The following FAM168A variants were observed in gnomAD, a reference collection of about 807,000 sequenced individuals.
FAM168A encodes protein FAM168A.
A neutral mutation model predicts 28.5 loss-of-function variants in FAM168A; 3 were observed. That is an observed-to-expected ratio of 0.11 (90% CI 0.05 to 0.27). The LOEUF is 0.27. Among genes scored for constraint, FAM168A ranks in the 10% least tolerant of loss-of-function variants. The pLI is 1.00. For synonymous variants in FAM168A, 122 were observed against 124.2 expected (o/e 0.98, Z 0.12); for missense variants, 222 against 311.5 (o/e 0.71, Z 2.16).
chr11:73,447,952 T>C (rs890765896), intron 2 of FAM168A, among the ~76,000 whole-genome samples: 1 of 152,254 alleles, frequency 6.6e-6, no homozygotes, highest in Non-Finnish European at 1.5e-5. Context: ...TAGCTATCTC[T>C]TATATAAAAC....
At chr11:73,442,127 T>TC (rs1867207021) in intron 2 of FAM168A, among the ~76,000 whole-genome samples, 1 of 113,800 alleles carries the variant, frequency 8.8e-6, no homozygotes, top group South Asian at 2.2e-4. Context: ...TTCTTCTTCT[T>TC]TTTTTTTTTT....
At chr11:73,457,287 G>T (rs1207552050) in intron 2 of FAM168A, among the ~76,000 whole-genome samples, 1 of 151,538 alleles carries the variant, frequency 6.6e-6, no homozygotes, top group Non-Finnish European at 1.5e-5. Context: ...TACTTGGGAG[G>T]CTGAGACTGG....
At chr11:73,531,112 G>C (rs1484022396) in intron 1 of FAM168A, among the ~76,000 whole-genome samples, 1 of 152,112 alleles carries the variant, frequency 6.6e-6, no homozygotes, top group Admixed American at 6.5e-5. Flanking sequence ...AAACAGAATA[G>C]GAATTACTAA....
At position 73,418,636 on chromosome 11, in the gene FAM168A, A is replaced by T. The variant is rs547935457; in HGVS notation, c.277+1238T>A. Among the ~76,000 whole-genome samples, 4 of 152,338 alleles carry T rather than the reference A, an allele frequency of 2.6e-5. No homozygotes were observed. The South Asian group carries it at 8.3e-4, about 32-fold the overall frequency. ...TACTTAGTAGATTAATAATTTGTGG[A>T]ACCACACACTATCAGGCCTTGCCTG... On this transcript the variant is annotated intron_variant, in intron 4 of 7. Coordinates refer to ENST00000356467, the MANE Select transcript of FAM168A (RefSeq NM_015159.3).
In FAM168A at chr11:73,501,484, A is replaced by C. The variant is rs58602796; in HGVS notation, c.-18-32992T>G. On this transcript the variant is annotated intron_variant, in intron 1 of 7. Coordinates refer to ENST00000356467, the MANE Select transcript of FAM168A (RefSeq NM_015159.3). ...AAAGCAAAAGAACTGAAATCATAAC[A>C]AACAGTCTCTCAGACCACAATACAA... 3.9e-5 allele frequency among the ~76,000 whole-genome samples: 6 copies of C among 152,274 alleles called. No individual in the cohort carries two copies. In the East Asian group the frequency reaches 1.2e-3, roughly 29 times the overall value.
At chr11:73,500,395 A>G (rs1485635586) in intron 1 of FAM168A, among the ~76,000 whole-genome samples, 1 of 151,580 alleles carries the variant, frequency 6.6e-6, no homozygotes, top group Non-Finnish European at 1.5e-5. Flanking sequence ...AGTAACTGGG[A>G]CTACAGGTGC....
Position 73,480,399 on chromosome 11 carries a change from T to TC in FAM168A, c.-18-11908_-18-11907insG, listed in dbSNP as rs1165363095. Among the ~76,000 whole-genome samples the TC allele has an allele frequency of 2.2e-4, 33 of 152,018 alleles. 1 individual carries two copies. The East Asian group carries it at 5.8e-3, about 27-fold the overall frequency. On this transcript the variant is annotated intron_variant, in intron 1 of 7. Transcript: ENST00000356467. The stretch of plus-strand genomic sequence containing the variant: ...AATAGAAAATTTCTCTCTCTCTCTT[T>TC]TTTTTTTTAAGAACAAATTTCAGAG...
chr11:73,411,295 A>G (rs1938777), intron 5 of FAM168A, 99 bp downstream of exon 5: 179,563 of 1,347,268 alleles, frequency 0.13, 16,626 homozygotes, highest in African/African-American at 0.47. Context: ...GCCACAAACC[A>G]TCCTCTCCTT....
Position 73,440,206 on chromosome 11 carries a change from C to T in FAM168A, c.71-9436G>A, listed in dbSNP as rs192343138. Among the ~76,000 whole-genome samples the T allele has an allele frequency of 5.9e-5, 9 of 152,106 alleles. No individual in the cohort carries two copies. In the East Asian group the frequency reaches 1.2e-3, roughly 20 times the overall value. ...TGGCCCACTCTTTTATTCTACTGTT[C>T]CATTTAAAGAGATTTACTGAAGGGA... On this transcript the variant is annotated intron_variant, in intron 2 of 7. Coordinates refer to ENST00000356467, the MANE Select transcript of FAM168A (RefSeq NM_015159.3).
chr11:73,431,353 AC>A (rs1165882849), intron 2 of FAM168A, among the ~76,000 whole-genome samples: 1 of 78,964 alleles, frequency 1.3e-5, no homozygotes, highest in Non-Finnish European at 2.6e-5. Flanking sequence ...TGCCCCCCAC[AC>A]CCCCCCGCCA....
At chr11:73,568,279 CAATT>C (rs1477754510) in intron 1 of FAM168A, among the ~76,000 whole-genome samples, 2 of 152,098 alleles carry the variant, frequency 1.3e-5, no homozygotes, top group Non-Finnish European at 2.9e-5. Flanking sequence ...CACATTAAAA[CAATT>C]AATTCTTAAA....
intron 2 of FAM168A, among the ~76,000 whole-genome samples, chr11:73,432,717 G>A (rs10082565): frequency 0.03 from 4,490 of 151,938 alleles, 219 homozygotes; most frequent in African/African-American, 0.1. Flanking sequence ...ATCGAGACCA[G>A]CCTGACAAAC....
intron 1 of FAM168A, among the ~76,000 whole-genome samples, chr11:73,531,861 G>C (rs1471727435): frequency 6.9e-6 from 1 of 145,520 alleles, no homozygotes; most frequent in African/African-American, 2.6e-5. Context: ...CTGGAGTGCA[G>C]TGGTGTGATC....
At chr11:73,581,173 T>C (rs569213572) in intron 1 of FAM168A, among the ~76,000 whole-genome samples, 1 of 152,228 alleles carries the variant, frequency 6.6e-6, no homozygotes, top group Admixed American at 6.5e-5. Context: ...GAAGACTTCA[T>C]TGGGTTTTAT....
intron 1 of FAM168A, among the ~76,000 whole-genome samples, chr11:73,513,655 C>T (rs193069080): frequency 4.8e-4 from 73 of 152,166 alleles, no homozygotes; most frequent in Non-Finnish European, 8.7e-4. Flanking sequence ...TCCTGGAGGA[C>T]GACGGCCCTC....
chr11:73,477,308 G>A (rs976586223), intron 1 of FAM168A, among the ~76,000 whole-genome samples: 1 of 151,950 alleles, frequency 6.6e-6, no homozygotes, highest in Non-Finnish European at 1.5e-5. Context: ...CCAAATCCCA[G>A]TGACACGCAA....
intron 3 of FAM168A, among the ~76,000 whole-genome samples, chr11:73,426,533 C>A (rs1866886956): frequency 6.6e-6 from 1 of 152,212 alleles, no homozygotes; most frequent in South Asian, 2.1e-4. Flanking sequence ...ATGGCTAGCT[C>A]TGGCAGGAAG....
At chr11:73,556,824 C>T (rs1242025815) in intron 1 of FAM168A, among the ~76,000 whole-genome samples, 1 of 151,568 alleles carries the variant, frequency 6.6e-6, no homozygotes, top group Non-Finnish European at 1.5e-5. Flanking sequence ...AGTTCAAGGA[C>T]AGCCTGGCCA....
At chr11:73,541,150 A>T (rs1943651748) in intron 1 of FAM168A, among the ~76,000 whole-genome samples, 1 of 151,992 alleles carries the variant, frequency 6.6e-6, no homozygotes, top group Non-Finnish European at 1.5e-5. Context: ...GGTTGCAGTG[A>T]GCCAAGAATG....
Sources: gnomAD v4.1 joint callset for allele counts (sites outside exome capture counted in the v4.1 genomes callset) on GRCh38, gnomAD v4.1.1 for gene constraint, MANE v1.5 for transcripts, NCBI Gene and HGNC (gene_info 2026-07-23, HGNC 2026-07-21) for gene names.